Variants in GMDS observed in about 807,000 individuals in gnomAD.
The protein encoded by GMDS is GDP-mannose 4,6-dehydratase, also known as GDP-mannose 4,6 dehydratase.
A neutral mutation model predicts 49.9 loss-of-function variants in GMDS; 20 were observed. That is an observed-to-expected ratio of 0.40 (90% CI 0.28 to 0.58). The LOEUF (loss-of-function observed/expected upper bound fraction) is 0.58, where lower values mean the gene tolerates loss of function less well. GMDS is among the 20% of genes least tolerant of loss of function. The pLI is 0.42. For missense variants in GMDS, 362 were observed against 481.4 expected (o/e 0.75, Z 2.32); for synonymous variants, 177 against 178.6 (o/e 0.99, Z 0.07).
chr6:1,760,606 G>T (rs1478705550), intron 7 of GMDS, among the ~76,000 whole-genome samples: 2 of 152,162 alleles, frequency 1.3e-5, no homozygotes, highest in Non-Finnish European at 2.9e-5. Context: ...AAGATGGCAG[G>T]CTGGGACATG....
In GMDS at chr6:1,766,391, C is replaced by G. The variant is rs114483194; in HGVS notation, c.772-23805G>C. On this transcript the variant is annotated intron_variant, in intron 7 of 10. Transcript: ENST00000380815. This position sits in a 1 kb window ranked among gnomAD's most constrained non-coding sequence, Gnocchi z 4.5. ...GCTCTGCGTTAGAACCCACACCTTC[C>G]GTCTCCCGGGCCAGGTCTCTTTGTA... is the stretch of plus-strand genomic sequence containing the variant. Among the ~76,000 whole-genome samples, 1 of 152,106 alleles carries G rather than the reference C, an allele frequency of 6.6e-6. No individual in the cohort carries two copies. Among genetic ancestry groups the G allele is most frequent in the Admixed American group, 6.5e-5 (1 of 15,274 alleles).
intron 6 of GMDS, among the ~76,000 whole-genome samples, chr6:1,956,374 T>C (rs1763639337): frequency 6.6e-6 from 1 of 152,240 alleles, no homozygotes. Context: ...CCATGAGTCC[T>C]AGATTGTCAA....
At chr6:1,701,621 G>A (rs965815157) in intron 9 of GMDS, among the ~76,000 whole-genome samples, 3 of 152,020 alleles carry the variant, frequency 2.0e-5, no homozygotes, top group African/African-American at 2.4e-5. Flanking sequence ...GAGTAATAGC[G>A]TGGTCTGTGA....
intron 1 of GMDS, among the ~76,000 whole-genome samples, chr6:2,128,627 T>A (rs1775578364): frequency 6.6e-6 from 1 of 152,102 alleles, no homozygotes; most frequent in South Asian, 2.1e-4. Flanking sequence ...TAGAAAATAA[T>A]CTCCTTCCTC....
At chr6:1,974,119 C>G (rs1764765145) in intron 4 of GMDS, among the ~76,000 whole-genome samples, 1 of 151,142 alleles carries the variant, frequency 6.6e-6, no homozygotes, top group South Asian at 2.1e-4. Flanking sequence ...CCAAAAATAG[C>G]AGATAGTAAA....
chr6:1,809,932 G>C (rs1320388860), intron 7 of GMDS, among the ~76,000 whole-genome samples: 1 of 152,150 alleles, frequency 6.6e-6, no homozygotes, highest in Non-Finnish European at 1.5e-5. Context: ...ACATATCAAA[G>C]GGTAGACACT....
intron 7 of GMDS, among the ~76,000 whole-genome samples, chr6:1,886,061 A>C (rs2113832125): frequency 6.6e-6 from 1 of 152,288 alleles, no homozygotes; most frequent in Non-Finnish European, 1.5e-5. Context: ...CTGCTTGGTC[A>C]TTTGTCTGAG....
intron 4 of GMDS, among the ~76,000 whole-genome samples, chr6:2,000,271 G>T (rs973363510): frequency 6.5e-4 from 98 of 150,648 alleles, no homozygotes; most frequent in African/African-American, 2.4e-3. Context: ...TCCTGACCTT[G>T]TGATCCACCC....
At chr6:2,016,686 T>C (rs540873526) in intron 4 of GMDS, among the ~76,000 whole-genome samples, 147 of 152,274 alleles carry the variant, frequency 9.7e-4, no homozygotes, top group South Asian at 1.9e-3. Context: ...CAAAACCATG[T>C]TTCCACAAAT....
chr6:2,076,705 T>C lies in GMDS; in HGVS notation c.345+39066A>G, dbSNP rs545627981. Among the ~76,000 whole-genome samples, 747 of 152,246 alleles carry C rather than the reference T, an allele frequency of 4.9e-3. 1 individual carries two copies. The highest frequency in any genetic ancestry group is 0.01 in the Middle Eastern group (3 of 294). On this transcript the variant is annotated intron_variant, in intron 4 of 10. Coordinates refer to ENST00000380815, the MANE Select transcript of GMDS (RefSeq NM_001500.4). ...AATGGTGCTGGGAAAACTGGCTAGC[T>C]GTATGTAGAAAGCTGAAACTGGATC...
chr6:1,701,097 G>A (rs1458951027), intron 9 of GMDS, among the ~76,000 whole-genome samples: 10 of 152,160 alleles, frequency 6.6e-5, no homozygotes, highest in South Asian at 2.1e-4. Flanking sequence ...CATATTTACA[G>A]CGCATGCCTT....
At chr6:2,057,673 T>C (rs974688906) in intron 4 of GMDS, among the ~76,000 whole-genome samples, 1 of 152,198 alleles carries the variant, frequency 6.6e-6, no homozygotes, top group Admixed American at 6.5e-5. Flanking sequence ...TCTGCTATAG[T>C]AAAATTGAAG....
chr6:1,977,027 C>G (rs1481028382), intron 4 of GMDS, among the ~76,000 whole-genome samples: 1 of 152,074 alleles, frequency 6.6e-6, no homozygotes, highest in Non-Finnish European at 1.5e-5. Context: ...GAGAATGATG[C>G]CTGTACCTAT....
chr6:1,695,465 C>T (rs142678697), intron 9 of GMDS, among the ~76,000 whole-genome samples: 112 of 152,314 alleles, frequency 7.4e-4, no homozygotes, highest in African/African-American at 2.6e-3. Flanking sequence ...AATGGTTCAA[C>T]TGTGTGTCCT....
At chr6:2,206,773 C>T (rs1290891158) in intron 1 of GMDS, among the ~76,000 whole-genome samples, 2 of 152,280 alleles carry the variant, frequency 1.3e-5, no homozygotes, top group African/African-American at 4.8e-5. Context: ...GCCGGTATTG[C>T]TGATCTGAGG....
intron 4 of GMDS, among the ~76,000 whole-genome samples, chr6:2,068,542 T>G (rs1482153288): frequency 1.3e-5 from 2 of 152,116 alleles, no homozygotes; most frequent in Non-Finnish European, 2.9e-5. Context: ...AAAATCTCCT[T>G]AAGCTGATAA....
intron 9 of GMDS, among the ~76,000 whole-genome samples, chr6:1,723,085 G>T (rs1218023086): frequency 6.6e-6 from 1 of 152,100 alleles, no homozygotes; most frequent in Non-Finnish European, 1.5e-5. Context: ...AGGTTTTGAG[G>T]CACTAAATCA....
intron 7 of GMDS, among the ~76,000 whole-genome samples, chr6:1,762,827 T>G (rs1330696495): frequency 1.3e-5 from 2 of 152,220 alleles, no homozygotes; most frequent in Admixed American, 6.5e-5. Flanking sequence ...AGTTTCAAAC[T>G]GATAAATTTT....
At chr6:1,980,004 T>C (rs1765129212) in intron 4 of GMDS, among the ~76,000 whole-genome samples, 1 of 151,998 alleles carries the variant, frequency 6.6e-6, no homozygotes, top group African/African-American at 2.4e-5. Context: ...GCTGAGAAAA[T>C]TGGTCACCAC....
Sources: allele counts gnomAD v4.1 joint callset (sites outside exome capture counted in the v4.1 genomes callset), GRCh38; gene constraint gnomAD v4.1.1; non-coding constraint Gnocchi (gnomAD v3.1); transcripts MANE v1.5; gene names NCBI Gene and HGNC (gene_info 2026-07-23, HGNC 2026-07-21).